The following ATG7 variants were observed in gnomAD, a reference collection of about 807,000 sequenced individuals.
ATG7 encodes ubiquitin-like modifier-activating enzyme ATG7.
A neutral mutation model predicts 82.4 loss-of-function variants in ATG7; 70 were observed. The ratio of observed to expected loss-of-function variants is 0.85; its 90% CI spans 0.70 to 1.04. The LOEUF is 1.04. ATG7 is among the 50% of genes least tolerant of loss of function. The pLI is 0.00. For synonymous variants in ATG7, 287 were observed against 313.0 expected (o/e 0.92, Z 0.88); for missense variants, 792 against 864.3 (o/e 0.92, Z 1.05).
rs1421935677 is a variant in ATG7 at position 11,513,195 on chromosome 3, C to T, written c.2080-41616C>T. Among the ~76,000 whole-genome samples the T allele has an allele frequency of 3.9e-5, 6 of 152,252 alleles. 1 individual carries two copies. Among genetic ancestry groups the T allele is most frequent in the East Asian group, 1.9e-4 (1 of 5,192 alleles). On this transcript the variant is annotated intron_variant, in intron 20 of 20. Coordinates refer to ENST00000693202, the MANE Select transcript of ATG7 (RefSeq NM_001349232.2). ...CCAGCTGGCTTCACCCAGTGGATCC[C>T]GCACCGGGGCTGCAGGTGGAGCTGC... is the stretch of plus-strand genomic sequence containing the variant.
chr3:11,493,402 G>T (rs2090558926), intron 20 of ATG7, among the ~76,000 whole-genome samples: 1 of 152,184 alleles, frequency 6.6e-6, no homozygotes, highest in Non-Finnish European at 1.5e-5. Context: ...AGGTAGTTTT[G>T]CAAAAGGCAA....
At chr3:11,285,171 C>T (rs1467877751) in intron 3 of ATG7, among the ~76,000 whole-genome samples, 2 of 118,326 alleles carry the variant, frequency 1.7e-5, no homozygotes, top group Admixed American at 9.2e-5. Context: ...AAAGCCCGGC[C>T]TTTTTTTTTT....
chr3:11,569,832 G>T, the ATG7 span, among the ~76,000 whole-genome samples: 1 of 152,188 alleles, frequency 6.6e-6, no homozygotes, highest in Admixed American at 6.5e-5. Context: ...AGTGAGCCAT[G>T]GTCACGCCAC....
downstream of ATG7, among the ~76,000 whole-genome samples, chr3:11,561,992 C>T (rs2073062057): frequency 6.6e-6 from 1 of 151,192 alleles, no homozygotes; most frequent in Admixed American, 6.6e-5. Context: ...CTCCGCCTTC[C>T]GGGTTCAAGC....
chr3:11,277,707 T>C (rs889670483), intron 1 of ATG7, among the ~76,000 whole-genome samples: 2 of 152,168 alleles, frequency 1.3e-5, no homozygotes, highest in African/African-American at 2.4e-5. Context: ...GTATGTATTG[T>C]CTTGATAAAC....
chr3:11,362,949 T>A (rs368656211), intron 17 of ATG7, 21 bp downstream of exon 17: 22 of 1,604,310 alleles, frequency 1.4e-5, no homozygotes, highest in Non-Finnish European at 1.9e-5. Context: ...TAGTAGGAGA[T>A]GAGTATTTAA....
chr3:11,450,030 C>G (rs1314803873), intron 20 of ATG7, among the ~76,000 whole-genome samples: 1 of 152,204 alleles, frequency 6.6e-6, no homozygotes, highest in Non-Finnish European at 1.5e-5. Context: ...CCTTCCAAAT[C>G]TTACAGGGTG....
chr3:11,516,031 T>TAAAA (rs35770722), intron 20 of ATG7, among the ~76,000 whole-genome samples: 1 of 135,220 alleles, frequency 7.4e-6, no homozygotes, highest in Non-Finnish European at 1.6e-5. Flanking sequence ...CATTCCTTTT[T>TAAAA]AAAAAAAAAA....
At chr3:11,496,593 A>G (rs1043010824) in intron 20 of ATG7, among the ~76,000 whole-genome samples, 2 of 152,218 alleles carry the variant, frequency 1.3e-5, no homozygotes, top group African/African-American at 4.8e-5. Context: ...AGGGCCATTT[A>G]AAGAAACCAG....
chr3:11,407,501 A>T (rs1342111723), intron 19 of ATG7, among the ~76,000 whole-genome samples: 1 of 152,232 alleles, frequency 6.6e-6, no homozygotes, highest in Non-Finnish European at 1.5e-5. Flanking sequence ...GCAGTGCCCC[A>T]GTAGGAACTC....
At chr3:11,558,053 A>AC (rs1272661253), downstream of ATG7, 1 of 158,572 alleles carries the variant, frequency 6.3e-6, no homozygotes, top group African/African-American at 2.4e-5. Flanking sequence ...TTGTCAGGCA[A>AC]CTTTAGTCCT....
rs549902316 is a variant in ATG7, at chr3:11,358,008, C to CAA, written c.1285-396_1285-395dup. Among the ~76,000 whole-genome samples, 28 of 80,924 alleles carry CAA rather than the reference C, an allele frequency of 3.5e-4. No individual in the cohort carries two copies. In the South Asian group the frequency reaches 5.2e-3, roughly 15 times the overall value. The allele number at this position is 80,924 out of a possible 152,430, so 53.1% of individuals were successfully genotyped here. ...TGGGTGACAAAGTAAGACCTTGTCT[C>CAA]AAAAAAAAAAAAAAAGAAAAGAAAA... is the stretch of plus-strand genomic sequence containing the variant. On this transcript the variant is annotated intron_variant, in intron 14 of 20. Transcript: ENST00000693202.
intron 3 of ATG7, among the ~76,000 whole-genome samples, chr3:11,287,428 A>C (rs1017682985): frequency 2.6e-4 from 39 of 152,202 alleles, no homozygotes; most frequent in African/African-American, 8.7e-4. Flanking sequence ...TGTGAGTTCT[A>C]GGCCATGGGG....
At chr3:11,368,792 G>A (rs886606574) in intron 18 of ATG7, among the ~76,000 whole-genome samples, 2 of 150,026 alleles carry the variant, frequency 1.3e-5, no homozygotes, top group African/African-American at 4.9e-5. Context: ...CAAACACCAA[G>A]GTAATTGATG....
chr3:11,338,616 A>T (rs1441146948), intron 11 of ATG7, among the ~76,000 whole-genome samples: 2 of 152,150 alleles, frequency 1.3e-5, no homozygotes, highest in Non-Finnish European at 2.9e-5. Context: ...GGAGTTCAAG[A>T]CCAGCTTCAG....
At chr3:11,488,925 A>G (rs1185398222) in intron 20 of ATG7, among the ~76,000 whole-genome samples, 17 of 152,112 alleles carry the variant, frequency 1.1e-4, no homozygotes, top group Non-Finnish European at 2.5e-4. Flanking sequence ...CATAAAATGA[A>G]TTAGGGAGGA....
chr3:11,553,691 C>A (rs1034615002), intron 20 of ATG7, among the ~76,000 whole-genome samples: 1 of 152,168 alleles, frequency 6.6e-6, no homozygotes, highest in African/African-American at 2.4e-5. Flanking sequence ...CAGTCCCCTC[C>A]CAAGAGCTCA....
intron 19 of ATG7, among the ~76,000 whole-genome samples, chr3:11,418,411 A>G (rs542472809): frequency 6.6e-5 from 10 of 152,166 alleles, no homozygotes; most frequent in South Asian, 2.1e-4. Flanking sequence ...ACTGTCCCCA[A>G]CCAACATATT....
chr3:11,480,042 C>G (rs1401089467), intron 20 of ATG7, among the ~76,000 whole-genome samples: 1 of 152,048 alleles, frequency 6.6e-6, no homozygotes, highest in Non-Finnish European at 1.5e-5. Flanking sequence ...ATTCTCCTGC[C>G]TCAGCCTCCC....
Sources: gnomAD v4.1 joint callset for allele counts (sites outside exome capture counted in the v4.1 genomes callset) on GRCh38, gnomAD v4.1.1 for gene constraint, MANE v1.5 for transcripts, NCBI Gene and HGNC (gene_info 2026-07-23, HGNC 2026-07-21) for gene names.